Variants in PRELID1 observed in about 807,000 individuals in gnomAD.
PRELID1 encodes the protein PRELI domain-containing protein 1, mitochondrial.
In PRELID1, 15 loss-of-function variants were observed where a neutral mutation model predicts 29.0. The ratio of observed to expected loss-of-function variants is 0.52; its 90% CI spans 0.35 to 0.80. The LOEUF (loss-of-function observed/expected upper bound fraction) is 0.80. Among genes scored for constraint, PRELID1 ranks in the 30% least tolerant of loss-of-function variants. The pLI, the probability that PRELID1 is intolerant of heterozygous loss-of-function variation, is 0.01. For synonymous variants in PRELID1, 79 were observed against 106.5 expected, an observed-to-expected ratio of 0.74 and a Z score of 1.59; for missense variants, 187 against 275.9, an observed-to-expected ratio of 0.68 and a Z score of 2.28.
In PRELID1 at chr5:177,304,815, A is replaced by G. The variant is rs200241980; in HGVS notation, c.283A>G (p.Thr95Ala). The G allele has an allele frequency of 3.1e-6, 5 of 1,613,390 alleles. No homozygotes were observed. The highest frequency in any genetic ancestry group is 2.2e-5 in the East Asian group (1 of 44,874). ...IVDPQNQTMT[T>A]FTWNINHARL... ...GGACCCACAGAATCAGACCATGACT[A>G]CCTTCACCTGGAACATCAACCACGC... Residue 95 changes from threonine to alanine, a missense_variant, in exon 2 of 5, where the codon ACC (threonine) becomes GCC (alanine). Thr to Ala is a moderately conservative substitution (Grantham distance 58). Coordinates refer to ENST00000303204, the MANE Select transcript of PRELID1 (RefSeq NM_013237.4).
At chr5:177,306,314 C>T in intron 4 of PRELID1, 108 bp from the exon 5 acceptor site, 1 of 1,583,110 alleles carries the variant, frequency 6.3e-7, no homozygotes, top group Non-Finnish European at 8.6e-7. Context: ...GGGTGAATAC[C>T]ACCTTTTTAG....
chr5:177,304,272 A>G (rs902875581), intron 1 of PRELID1, 195 bp downstream of exon 1: 7 of 613,200 alleles, frequency 1.1e-5, no homozygotes, highest in Non-Finnish European at 2.0e-5. Context: ...TTGAGACCTT[A>G]GTGTAAGATT....
intron 2 of PRELID1, among the ~76,000 whole-genome samples, chr5:177,305,196 TTTC>T (rs1396454982): frequency 2.0e-5 from 3 of 151,298 alleles, no homozygotes; most frequent in South Asian, 2.1e-4. Flanking sequence ...AGGCAGTGCT[TTTC>T]TTTTTTTTTT....
chr5:177,303,976 G>T lies in PRELID1; in HGVS notation c.-10G>T. Reference sequence around the variant, plus strand: ...GCTGCGCGGGTGCTGAGCCCGCTTCGGCCGGGACGATGGTGAAGTATTTCC... The same window carrying T: ...GCTGCGCGGGTGCTGAGCCCGCTTCTGCCGGGACGATGGTGAAGTATTTCC... On this transcript the variant is annotated 5_prime_UTR_variant, in exon 1 of 5. Coordinates refer to ENST00000303204, the MANE Select transcript of PRELID1 (RefSeq NM_013237.4). This position sits in a 1 kb window ranked among gnomAD's most constrained non-coding sequence, Gnocchi z 6.1. 6.2e-7 allele frequency: 1 copy of T among 1,607,198 alleles called. No homozygotes were observed. The highest frequency in any genetic ancestry group is 1.1e-5 in the South Asian group (1 of 90,986).
Position 177,303,960 on chromosome 5 carries a change from G to A in PRELID1, c.-26G>A. 6.3e-7 allele frequency: 1 copy of A among 1,599,964 alleles called. No individual in the cohort carries two copies. Among genetic ancestry groups the A allele is most frequent in the Non-Finnish European group, 8.5e-7 (1 of 1,176,658 alleles). On this transcript the variant is annotated 5_prime_UTR_variant, in exon 1 of 5. In the 5' UTR this introduces an upstream ATG that the reference lacks. Transcript: ENST00000303204. The surrounding 1 kb of genome is among the most constrained non-coding windows in gnomAD (Gnocchi z 6.1). The stretch of plus-strand genomic sequence containing the variant: ...GCTCCGCACCCCTGATGCTGCGCGG[G>A]TGCTGAGCCCGCTTCGGCCGGGACG...
intron 2 of PRELID1, 28 bp downstream of exon 2, chr5:177,304,878 A>G (rs1369601235): frequency 2.9e-5 from 44 of 1,532,452 alleles, no homozygotes; most frequent in Non-Finnish European, 3.7e-5. Flanking sequence ...GTGATTCTGC[A>G]CCTCCCCCTC....
chr5:177,304,618 C>G lies in PRELID1; in HGVS notation c.93-7C>G. On this transcript the variant is annotated splice_region_variant and splice_polypyrimidine_tract_variant and intron_variant, in intron 1 of 4. Transcript: ENST00000303204. Reference sequence around the variant, plus strand: ...TCTGAGGGTCACCTTCACCCTGACACCTGCAGCAAACATGTCTTGACGGAA... The same window carrying G: ...TCTGAGGGTCACCTTCACCCTGACAGCTGCAGCAAACATGTCTTGACGGAA... The G allele has an allele frequency of 6.2e-7, 1 of 1,608,940 alleles. No homozygotes were observed. The highest frequency in any genetic ancestry group is 8.5e-7 in the Non-Finnish European group (1 of 1,175,408).
chr5:177,304,928 G>A (rs1760818519), intron 2 of PRELID1, 78 bp downstream of exon 2: 1 of 1,374,946 alleles, frequency 7.3e-7, no homozygotes, highest in Non-Finnish European at 1.0e-6. Flanking sequence ...AGATACATGT[G>A]GCTAGAGAGC....
Position 177,304,039 on chromosome 5 carries a change from G to A in PRELID1, c.54G>A (p.Val18=), listed in dbSNP as rs1760788419. 1 of 1,612,100 alleles carries A rather than the reference G, an allele frequency of 6.2e-7. No individual in the cohort carries two copies. Among genetic ancestry groups the A allele is most frequent in the Admixed American group, 1.7e-5 (1 of 60,008 alleles). ...QSVLRSSWDQ[V]FAAFWQRYPN... The stretch of plus-strand genomic sequence containing the variant: ...TGCTCCGGAGTTCCTGGGACCAAGT[G>A]TTCGCCGCCTTCTGGCAGCGGTACC... The change falls in exon 1 of 5, where the codon GTG becomes GTA. Residue 18 remains valine, a synonymous_variant. Transcript: ENST00000303204.
chr5:177,304,579 C>T, intron 1 of PRELID1, 46 bp from the exon 2 acceptor site: 1 of 1,532,426 alleles, frequency 6.5e-7, no homozygotes, highest in South Asian at 1.1e-5. Context: ...CGGGCAGTCT[C>T]TTAGGGGCAA....
At chr5:177,306,202 C>T (rs1760869647) in intron 4 of PRELID1, 26 bp downstream of exon 4, 1 of 1,601,756 alleles carries the variant, frequency 6.2e-7, no homozygotes, top group African/African-American at 1.3e-5. Context: ...TGTGGATATT[C>T]CTCATAGGGA....
In PRELID1 at chr5:177,303,832, C is replaced by A. The variant is rs1161760002; in HGVS notation, c.-154C>A. 4.0e-6 allele frequency: 2 copies of A among 498,534 alleles called. No homozygotes were observed. Among genetic ancestry groups the A allele is most frequent in the Non-Finnish European group, 6.5e-6 (2 of 308,104 alleles). The allele number at this position is 498,534 out of a possible 1,614,324, so 30.9% of individuals were successfully genotyped here. ...GGACAACTCATGGCGGCGGCGGCGGCGGCGGCAGCTGCTTGGGCGCGGTGC... is the reference window on the plus strand; with the variant it reads ...GGACAACTCATGGCGGCGGCGGCGGAGGCGGCAGCTGCTTGGGCGCGGTGC... On this transcript the variant is annotated 5_prime_UTR_variant, in exon 1 of 5. Coordinates refer to ENST00000303204, the MANE Select transcript of PRELID1 (RefSeq NM_013237.4). This position sits in a 1 kb window ranked among gnomAD's most constrained non-coding sequence, Gnocchi z 6.1.
chr5:177,303,817 T>TGGCGGCGGC lies in PRELID1; in HGVS notation c.-156_-148dup, dbSNP rs577990702. 23 of 463,542 alleles carry TGGCGGCGGC rather than the reference T, an allele frequency of 5.0e-5. No individual in the cohort carries two copies. The highest frequency in any genetic ancestry group is 6.5e-5 in the Non-Finnish European group (18 of 277,616). 28.7% of individuals were successfully genotyped at this position (463,542 alleles called of 1,614,324 possible). On this transcript the variant is annotated 5_prime_UTR_variant, in exon 1 of 5. Coordinates refer to ENST00000303204, the MANE Select transcript of PRELID1 (RefSeq NM_013237.4). The surrounding 1 kb of genome is among the most constrained non-coding windows in gnomAD (Gnocchi z 6.1). ...AAGTGGCGCGCGGCCGGACAACTCA[T>TGGCGGCGGC]GGCGGCGGCGGCGGCGGCGGCAGCT... is the stretch of plus-strand genomic sequence containing the variant.
rs375109575 is a variant in PRELID1 at position 177,304,735 on chromosome 5, G to A, written c.203G>A (p.Arg68Gln). The part of the protein sequence containing the change: ...KTNRMPRWAE[R>Q]LFPANVAHSV... ...AACAGGATGCCACGCTGGGCCGAGC[G>A]ACTATTTCCTGCCAATGTTGCTCAC... Residue 68 changes from arginine (R) to glutamine (Q), a missense_variant, in exon 2 of 5, where the codon CGA (arginine) becomes CAA (glutamine). Physicochemically the swap from Arg to Gln is conservative, Grantham distance 43 (BLOSUM62 1). Transcript: ENST00000303204. 6 of 1,613,970 alleles carry A rather than the reference G, an allele frequency of 3.7e-6. No individual in the cohort carries two copies. The highest frequency in any genetic ancestry group is 1.7e-5 in the Admixed American group (1 of 60,012).
chr5:177,306,156 A>G lies in PRELID1; in HGVS notation c.491A>G (p.Tyr164Cys), dbSNP rs1363447844. 4 of 1,613,744 alleles carry G rather than the reference A, an allele frequency of 2.5e-6. No individual in the cohort carries two copies. Among genetic ancestry groups the G allele is most frequent in the South Asian group, 1.1e-5 (1 of 91,082 alleles). The change falls in exon 4 of 5, where the codon TAT becomes TGT. Residue 164 changes from tyrosine (Y) to cysteine (C), a missense_variant. By Grantham distance (194) the Tyr-to-Cys change is radical. Coordinates refer to ENST00000303204, the MANE Select transcript of PRELID1 (RefSeq NM_013237.4). ...ACCAAGACTATGAAGGGTTTTGAAT[A>G]TATCTTGGCTAAGCTGCAAGGTGAG... ...NVTKTMKGFE[Y>C]ILAKLQGEAP...
At chr5:177,304,891 C>A (rs1399717161) in intron 2 of PRELID1, 41 bp downstream of exon 2, 1 of 1,500,136 alleles carries the variant, frequency 6.7e-7, no homozygotes, top group Admixed American at 1.9e-5. Context: ...TCCCCCTCTC[C>A]CCTCCCCCCG....
At chr5:177,304,515 G>C in intron 1 of PRELID1, 110 bp from the exon 2 acceptor site, 1 of 932,610 alleles carries the variant, frequency 1.1e-6, no homozygotes, top group East Asian at 2.6e-5. Context: ...ACCCTGCAAG[G>C]TTACGGGAAG....
rs368267715 is a variant in PRELID1 at position 177,305,823 on chromosome 5, T to C, written c.319-48T>C. ...ACAGGGAGTCAGATTTATGTGCAAGTTGGCAAAATGAAAGACTGTTCCACG... is the reference window on the plus strand; with the variant it reads ...ACAGGGAGTCAGATTTATGTGCAAGCTGGCAAAATGAAAGACTGTTCCACG... On this transcript the variant is annotated intron_variant, in intron 2 of 4. Coordinates refer to ENST00000303204, the MANE Select transcript of PRELID1 (RefSeq NM_013237.4). 2.6e-5 allele frequency: 40 copies of C among 1,527,432 alleles called. No homozygotes were observed. The East Asian group carries it at 5.2e-4, about 20-fold the overall frequency. The allele number at this position is 1,527,432 out of a possible 1,614,324, so 94.6% of individuals were successfully genotyped here. A position where few individuals can be genotyped will look rare whatever the true frequency, so the allele number is the denominator to read the frequency against.
chr5:177,303,892 T>C lies in PRELID1; in HGVS notation c.-94T>C. 5 of 1,091,592 alleles carry C rather than the reference T, an allele frequency of 4.6e-6. No homozygotes were observed. In the South Asian group the frequency reaches 7.2e-5, roughly 16 times the overall value. The allele number at this position is 1,091,592 out of a possible 1,614,324, so 67.6% of individuals were successfully genotyped here. Reference sequence around the variant, plus strand: ...TGAGCTACGAGCCTGGCGGCGGGTGTGCGCCGAGCCCCGGCCCGGCCCGGC... The same window carrying C: ...TGAGCTACGAGCCTGGCGGCGGGTGCGCGCCGAGCCCCGGCCCGGCCCGGC... On this transcript the variant is annotated 5_prime_UTR_variant, in exon 1 of 5. Coordinates refer to ENST00000303204, the MANE Select transcript of PRELID1 (RefSeq NM_013237.4). This position sits in a 1 kb window ranked among gnomAD's most constrained non-coding sequence, Gnocchi z 6.1.
Sources: allele counts gnomAD v4.1 joint callset (sites outside exome capture counted in the v4.1 genomes callset), GRCh38; gene constraint gnomAD v4.1.1; non-coding constraint Gnocchi (gnomAD v3.1); transcripts MANE v1.5; gene names NCBI Gene and HGNC (gene_info 2026-07-23, HGNC 2026-07-21).